The following DNM3 variants were observed in gnomAD, a reference collection of about 807,000 sequenced individuals.
DNM3 encodes the protein dynamin-3.
Under a neutral mutation model 101.6 loss-of-function variants are expected in DNM3, and 47 were observed. The observed-to-expected ratio is 0.46, with a 90% CI of 0.37 to 0.59. The LOEUF (loss-of-function observed/expected upper bound fraction) is 0.59. Ranked by LOEUF, DNM3 falls within the 20% of genes least tolerant of loss-of-function variation. The pLI is 0.00. For missense variants in DNM3, 849 were observed against 1,085.7 expected (o/e 0.78, Z 3.06); for synonymous variants, 385 against 387.9 (o/e 0.99, Z 0.09).
At chr1:172,219,937 G>C (rs1408015514) in intron 14 of DNM3, among the ~76,000 whole-genome samples, 1 of 151,924 alleles carries the variant, frequency 6.6e-6, no homozygotes, top group Non-Finnish European at 1.5e-5. Flanking sequence ...ACATGAGCAG[G>C]GAATTTTTTA....
intron 14 of DNM3, among the ~76,000 whole-genome samples, chr1:172,222,664 A>G (rs1306930899): frequency 6.6e-6 from 1 of 152,184 alleles, no homozygotes; most frequent in Non-Finnish European, 1.5e-5. Context: ...TAAAAAGAGA[A>G]AAACAAAGCC....
intron 6 of DNM3, among the ~76,000 whole-genome samples, chr1:172,037,608 C>T (rs1435007115): frequency 6.6e-6 from 1 of 152,100 alleles, no homozygotes; most frequent in East Asian, 1.9e-4. Flanking sequence ...GTTTTTATCT[C>T]ACCTTTGTTC....
At chr1:172,175,772 T>C (rs1284736712) in intron 14 of DNM3, among the ~76,000 whole-genome samples, 1 of 151,846 alleles carries the variant, frequency 6.6e-6, no homozygotes, top group Non-Finnish European at 1.5e-5. Context: ...TACCACACTG[T>C]TGACATTTTA....
chr1:171,912,233 G>A (rs1167968855), intron 1 of DNM3, among the ~76,000 whole-genome samples: 1 of 152,016 alleles, frequency 6.6e-6, no homozygotes, highest in African/African-American at 2.4e-5. Context: ...GGTTCTTGGG[G>A]GACAAAAAGA....
intron 18 of DNM3, among the ~76,000 whole-genome samples, chr1:172,385,260 C>T (rs143142664): frequency 6.6e-6 from 1 of 152,330 alleles, no homozygotes; most frequent in East Asian, 1.9e-4. Context: ...TTCACTACCA[C>T]CCTTGCAAAG....
intron 14 of DNM3, among the ~76,000 whole-genome samples, chr1:172,156,504 A>C (rs1053569090): frequency 1.3e-5 from 2 of 152,030 alleles, no homozygotes; most frequent in Non-Finnish European, 2.9e-5. Flanking sequence ...TTTCTTACCT[A>C]ATAATTCCTA....
At position 171,894,758 on chromosome 1, in the gene DNM3, C is replaced by A. The variant is rs528869121; in HGVS notation, c.162-26990C>A. 5.3e-5 allele frequency among the ~76,000 whole-genome samples: 8 copies of A among 152,004 alleles called. No individual in the cohort carries two copies. The South Asian group carries it at 1.7e-3, about 32-fold the overall frequency. Reference sequence around the variant, plus strand: ...CCAGCCCCCGACTCCCCCAGCAGGCCCTGGTGTATGATGTTCCCTGCCCTG... The same window carrying A: ...CCAGCCCCCGACTCCCCCAGCAGGCACTGGTGTATGATGTTCCCTGCCCTG... On this transcript the variant is annotated intron_variant, in intron 1 of 20. Transcript: ENST00000627582.
intron 14 of DNM3, among the ~76,000 whole-genome samples, chr1:172,166,791 C>G (rs999975659): frequency 2.0e-5 from 3 of 151,982 alleles, no homozygotes; most frequent in Non-Finnish European, 4.4e-5. Flanking sequence ...TTTTCTACTA[C>G]TCTTCCTGCC....
chr1:172,381,729 A>T (rs767503842), intron 18 of DNM3, among the ~76,000 whole-genome samples: 1 of 152,094 alleles, frequency 6.6e-6, no homozygotes, highest in Admixed American at 6.6e-5. Context: ...AGATCTTCAA[A>T]TGAAAGAACT....
At chr1:172,072,318 A>T (rs932933201) in intron 11 of DNM3, among the ~76,000 whole-genome samples, 1 of 152,114 alleles carries the variant, frequency 6.6e-6, no homozygotes, top group Non-Finnish European at 1.5e-5. Flanking sequence ...GACTGTATGA[A>T]TTTTTTTCAT....
At chr1:172,070,640 A>G (rs562639375) in intron 11 of DNM3, among the ~76,000 whole-genome samples, 1 of 152,290 alleles carries the variant, frequency 6.6e-6, no homozygotes, top group Non-Finnish European at 1.5e-5. Context: ...CTCTGGGCTC[A>G]GACTACCTGA....
At chr1:172,122,078 G>A (rs2056356579) in intron 13 of DNM3, among the ~76,000 whole-genome samples, 1 of 152,090 alleles carries the variant, frequency 6.6e-6, no homozygotes, top group African/African-American at 2.4e-5. Context: ...GGAATCTCAA[G>A]AAATTGCCTC....
chr1:172,182,036 A>G (rs1239945105), intron 14 of DNM3, among the ~76,000 whole-genome samples: 1 of 151,994 alleles, frequency 6.6e-6, no homozygotes, highest in African/African-American at 2.4e-5. Flanking sequence ...GGGTTTCAAG[A>G]CTGATAGTCG....
chr1:172,075,320 G>C (rs1333250556), intron 11 of DNM3, among the ~76,000 whole-genome samples: 1 of 152,070 alleles, frequency 6.6e-6, no homozygotes, highest in South Asian at 2.1e-4. Context: ...AGTTTAATTA[G>C]ATCCCATTTG....
intron 13 of DNM3, among the ~76,000 whole-genome samples, chr1:172,116,271 A>G (rs1371943348): frequency 6.6e-6 from 1 of 152,116 alleles, no homozygotes; most frequent in Admixed American, 6.6e-5. Flanking sequence ...TTCTGTCTGG[A>G]TGGATGTGTC....
chr1:172,324,275 A>G (rs1274025460), intron 17 of DNM3, among the ~76,000 whole-genome samples: 1 of 152,236 alleles, frequency 6.6e-6, no homozygotes, highest in Non-Finnish European at 1.5e-5. Flanking sequence ...AATCTGTTAT[A>G]TAAGAGTTGG....
At chr1:172,407,560 G>C (rs912207119) in intron 20 of DNM3, among the ~76,000 whole-genome samples, 23 of 151,956 alleles carry the variant, frequency 1.5e-4, no homozygotes, top group African/African-American at 5.3e-4. Context: ...TCAGTTTTGA[G>C]AAAGATTTGC....
intron 1 of DNM3, among the ~76,000 whole-genome samples, chr1:171,892,291 G>A (rs1006442912): frequency 2.6e-5 from 4 of 152,054 alleles, no homozygotes; most frequent in African/African-American, 7.2e-5. Context: ...TTTCCAAGGA[G>A]CCCTGGTTCT....
At chr1:171,894,391 T>C (rs1373571666) in intron 1 of DNM3, among the ~76,000 whole-genome samples, 1 of 152,130 alleles carries the variant, frequency 6.6e-6, no homozygotes, top group Non-Finnish European at 1.5e-5. Context: ...GCTTTATTTT[T>C]ACTTATTTTA....
Sources: allele counts gnomAD v4.1 joint callset (sites outside exome capture counted in the v4.1 genomes callset), GRCh38; gene constraint gnomAD v4.1.1; transcripts MANE v1.5; gene names NCBI Gene and HGNC (gene_info 2026-07-23, HGNC 2026-07-21).